UMAD1: variants seen among roughly 807,000 people sequenced by gnomAD.
The protein encoded by UMAD1 is UBAP1-MVB12-associated (UMA)-domain containing protein 1.
A neutral mutation model predicts 6.1 loss-of-function variants in UMAD1; 8 were observed. That is an observed-to-expected ratio of 1.30 (90% CI 0.76 to 2.35). The LOEUF is 2.35. Ranked by LOEUF, UMAD1 falls within the 30% of genes most tolerant of loss-of-function variation. The pLI is 0.00. For synonymous variants in UMAD1, 56 were observed against 31.4 expected (o/e 1.78, Z -2.61); for missense variants, 130 against 78.4 (o/e 1.66, Z -2.49).
chr7:7,692,975 A>ATAGCTGT (rs1780210705), intron 2 of UMAD1, among the ~76,000 whole-genome samples: 2 of 152,180 alleles, frequency 1.3e-5, no homozygotes, highest in African/African-American at 4.8e-5. Context: ...TGTGTCTAAA[A>ATAGCTGT]TAGCTGTAGG....
At position 7,799,401 on chromosome 7, in the gene UMAD1, C is replaced by T. The variant is rs150297996; in HGVS notation, c.83-2269C>T. 1.4e-3 allele frequency among the ~76,000 whole-genome samples: 214 copies of T among 152,304 alleles called. 2 individuals carry two copies. The highest frequency in any genetic ancestry group is 3.6e-3 in the Admixed American group (55 of 15,306). On this transcript the variant is annotated intron_variant, in intron 2 of 3. Coordinates refer to ENST00000682710, the MANE Select transcript of UMAD1 (RefSeq NM_001302348.2). ...CAGATGTGTTGTGTGAAGTTAAGAA[C>T]GCTGGCTGATAACCTTTCTGGTTTT...
intron 2 of UMAD1, among the ~76,000 whole-genome samples, chr7:7,716,161 C>T (rs1003285382): frequency 2.0e-5 from 3 of 152,036 alleles, no homozygotes; most frequent in African/African-American, 7.2e-5. Flanking sequence ...TAAGAGCAAT[C>T]CAGCTGCAAA....
chr7:7,663,249 T>C (rs1411894100), intron 1 of UMAD1, among the ~76,000 whole-genome samples: 1 of 151,292 alleles, frequency 6.6e-6, no homozygotes, highest in Non-Finnish European at 1.5e-5. Flanking sequence ...GAACTTGCAG[T>C]TTGAAGCAAA....
chr7:7,741,509 G>A (rs1367887195), intron 2 of UMAD1, among the ~76,000 whole-genome samples: 2 of 150,944 alleles, frequency 1.3e-5, no homozygotes, highest in Admixed American at 6.6e-5. Flanking sequence ...CCCAGGAGGC[G>A]GAGTTTGCAG....
At chr7:7,768,210 A>G (rs986383030) in intron 2 of UMAD1, among the ~76,000 whole-genome samples, 1 of 152,194 alleles carries the variant, frequency 6.6e-6, no homozygotes, top group Non-Finnish European at 1.5e-5. Context: ...AGTCAAACTC[A>G]TTGCCTAAAA....
chr7:7,659,110 C>T (rs560380404), intron 1 of UMAD1, among the ~76,000 whole-genome samples: 1 of 152,154 alleles, frequency 6.6e-6, no homozygotes, highest in African/African-American at 2.4e-5. Flanking sequence ...TTATAGTATT[C>T]TCTGATGGTA....
rs140458018 is a variant in UMAD1 at position 7,849,325 on chromosome 7, A to G, written c.157-27956A>G. Among the ~76,000 whole-genome samples, 659 of 152,308 alleles carry G rather than the reference A, an allele frequency of 4.3e-3. 3 individuals are homozygous for G. Among genetic ancestry groups the G allele is most frequent in the African/African-American group, 0.015 (623 of 41,574 alleles). On this transcript the variant is annotated intron_variant, in intron 3 of 3. Coordinates refer to ENST00000682710, the MANE Select transcript of UMAD1 (RefSeq NM_001302348.2). Reference sequence around the variant, plus strand: ...AATAAAAAGTGACTGAGGTACAGAAACATAAGGTAGCTTTTCTAAGGTCAC... The same window carrying G: ...AATAAAAAGTGACTGAGGTACAGAAGCATAAGGTAGCTTTTCTAAGGTCAC...
At chr7:7,785,274 A>C (rs1249657343) in intron 2 of UMAD1, among the ~76,000 whole-genome samples, 1 of 152,212 alleles carries the variant, frequency 6.6e-6, no homozygotes, top group African/African-American at 2.4e-5. Flanking sequence ...TACTCATTGA[A>C]TATTTCTTCA....
chr7:7,837,354 A>C (rs989440829), intron 3 of UMAD1, among the ~76,000 whole-genome samples: 2 of 152,110 alleles, frequency 1.3e-5, no homozygotes, highest in Non-Finnish European at 2.9e-5. Flanking sequence ...GGAAGATGTG[A>C]CCTACAAGAG....
chr7:7,669,040 C>T (rs1583714095), intron 1 of UMAD1, among the ~76,000 whole-genome samples: 1 of 150,970 alleles, frequency 6.6e-6, no homozygotes, highest in South Asian at 2.1e-4. Context: ...GGAGAATGGG[C>T]CAACTCTACA....
At chr7:7,849,859 G>A (rs191071682) in intron 3 of UMAD1, among the ~76,000 whole-genome samples, 1 of 152,118 alleles carries the variant, frequency 6.6e-6, no homozygotes, top group African/African-American at 2.4e-5. Context: ...CTCTCTGAGT[G>A]GTTTTAAGCT....
chr7:7,769,147 C>T (rs372386524), intron 2 of UMAD1, among the ~76,000 whole-genome samples: 25 of 152,122 alleles, frequency 1.6e-4, no homozygotes, highest in African/African-American at 6.0e-4. Flanking sequence ...TTTGGGCATA[C>T]CAGTCAAGCT....
intron 2 of UMAD1, among the ~76,000 whole-genome samples, chr7:7,762,575 A>C (rs1395760764): frequency 6.6e-6 from 1 of 152,184 alleles, no homozygotes; most frequent in Non-Finnish European, 1.5e-5. Flanking sequence ...TGGAAATTAC[A>C]AAGGTTTCGT....
intron 2 of UMAD1, among the ~76,000 whole-genome samples, chr7:7,769,214 A>T (rs1424014549): frequency 6.6e-6 from 1 of 152,194 alleles, no homozygotes. Flanking sequence ...ATAGTTGTAG[A>T]GATAGGAGCT....
intron 2 of UMAD1, among the ~76,000 whole-genome samples, chr7:7,777,149 C>G (rs529555688): frequency 1.2e-4 from 19 of 152,066 alleles, no homozygotes; most frequent in African/African-American, 4.6e-4. Context: ...TATGACTGTA[C>G]CATACTTTAT....
intron 3 of UMAD1, among the ~76,000 whole-genome samples, chr7:7,816,183 AGG>A (rs1021868230): frequency 6.8e-5 from 2 of 29,204 alleles, no homozygotes; most frequent in Non-Finnish European, 1.5e-4. Context: ...CCATTTCCCA[AGG>A]TCACAAAAAA....
chr7:7,804,232 A>G (rs73356247), intron 3 of UMAD1, among the ~76,000 whole-genome samples: 3,183 of 152,340 alleles, frequency 0.021, 125 homozygotes, highest in African/African-American at 0.073. Flanking sequence ...GAGACTATAA[A>G]TGAGACCACA....
At chr7:7,828,725 T>G (rs1482344410) in intron 3 of UMAD1, among the ~76,000 whole-genome samples, 1 of 139,028 alleles carries the variant, frequency 7.2e-6, no homozygotes, top group Non-Finnish European at 1.6e-5. Flanking sequence ...GAAGCTCTCC[T>G]GAACTCCAGC....
chr7:7,738,196 G>A (rs551042069), intron 2 of UMAD1, among the ~76,000 whole-genome samples: 1 of 152,302 alleles, frequency 6.6e-6, no homozygotes, highest in African/African-American at 2.4e-5. Flanking sequence ...AACCACTAGT[G>A]TAGGCATTGG....
Sources: gnomAD v4.1 joint callset for allele counts (sites outside exome capture counted in the v4.1 genomes callset) on GRCh38, gnomAD v4.1.1 for gene constraint, MANE v1.5 for transcripts, NCBI Gene and HGNC (gene_info 2026-07-23, HGNC 2026-07-21) for gene names.